The following DENND1B variants were observed in gnomAD, a reference collection of about 807,000 sequenced individuals.
The protein encoded by DENND1B is DENN domain containing 1B, also known as DENN domain-containing protein 1B.
DENND1B carries 59 observed loss-of-function variants against 90.1 expected under a neutral mutation model. That is an observed-to-expected ratio of 0.65 (90% CI 0.53 to 0.81). DENND1B has a LOEUF of 0.81. DENND1B is among the 40% of genes least tolerant of loss of function. The probability of loss-of-function intolerance (pLI) is 0.00; values close to 1 mark genes in which losing one functional copy is unlikely to be tolerated. For synonymous variants in DENND1B, 337 were observed against 324.6 expected, an observed-to-expected ratio of 1.04 and a Z score of -0.41; for missense variants, 862 against 912.6, an observed-to-expected ratio of 0.94 and a Z score of 0.71.
At chr1:197,714,994 C>T in intron 3 of DENND1B, 37 bp downstream of exon 3, 1 of 1,524,174 alleles carries the variant, frequency 6.6e-7, no homozygotes. Context: ...CATAATACTT[C>T]AACTTTAAAT....
At chr1:197,648,102 G>T (rs1680896701) in intron 7 of DENND1B, among the ~76,000 whole-genome samples, 2 of 152,198 alleles carry the variant, frequency 1.3e-5, no homozygotes, top group African/African-American at 4.8e-5. Context: ...CCTTTGACAA[G>T]ATTATTTCAG....
chr1:197,536,184 T>TGAGATGAGAG (rs1669889868), intron 20 of DENND1B, among the ~76,000 whole-genome samples: 1 of 139,972 alleles, frequency 7.1e-6, no homozygotes, highest in African/African-American at 2.6e-5. Flanking sequence ...TGAGATGAGA[T>TGAGATGAGAG]GAGATGACAT....
intron 3 of DENND1B, 89 bp downstream of exon 3, chr1:197,714,942 A>G (rs1660496486): frequency 1.1e-6 from 1 of 926,448 alleles, no homozygotes; most frequent in African/African-American, 1.7e-5. Context: ...CATGTTCACT[A>G]GTAGTTATAC....
At chr1:197,647,215 A>G (rs1433200606) in intron 7 of DENND1B, 101 bp from the exon 8 acceptor site, 2 of 645,120 alleles carry the variant, frequency 3.1e-6, no homozygotes, top group East Asian at 7.0e-5. Context: ...TAGCCAAGTT[A>G]GCCACTAAAA....
At chr1:197,562,998 A>G (rs1016452813) in intron 15 of DENND1B, among the ~76,000 whole-genome samples, 1 of 151,944 alleles carries the variant, frequency 6.6e-6, no homozygotes, top group Non-Finnish European at 1.5e-5. Flanking sequence ...ACTCTCTTCA[A>G]TTATATGAAG....
chr1:197,506,559 A>T lies in DENND1B; in HGVS notation c.*3901T>A, dbSNP rs1180914377. The stretch of plus-strand genomic sequence containing the variant: ...GAAAATAATCAGTCTTTTCCTGAAA[A>T]TCCACATTTTCTACAAGAGAATGAA... On this transcript the variant is annotated 3_prime_UTR_variant, in exon 23 of 23. Coordinates refer to ENST00000620048, the MANE Select transcript of DENND1B (RefSeq NM_001195215.2). 2 of 151,466 alleles carry T rather than the reference A, an allele frequency of 1.3e-5. No individual in the cohort carries two copies. The highest frequency in any genetic ancestry group is 3.0e-5 in the Non-Finnish European group (2 of 67,594). The allele number at this position is 151,466 out of a possible 1,614,324, so 9.4% of individuals were successfully genotyped here. A position where few individuals can be genotyped will look rare whatever the true frequency, so the allele number is the denominator to read the frequency against.
rs1170700024 is a variant in DENND1B, at chr1:197,510,572, G to C, written c.2216C>G (p.Thr739Ser). The C allele has an allele frequency of 6.2e-7, 1 of 1,612,710 alleles. No individual in the cohort carries two copies. Among genetic ancestry groups the C allele is most frequent in the African/African-American group, 1.3e-5 (1 of 74,902 alleles). The change falls in exon 23 of 23, where the codon ACT becomes AGT. Residue 739 changes from threonine to serine, a missense_variant. Transcript: ENST00000620048. ...WEKEGKEAKE[T>S]SEDIGLLHEV... ...ATGGAGCAGTCCAATATCTTCTGAA[G>C]TCTCTTTGGCTTCTTTCCCTTCTTT...
chr1:197,510,133 C>A lies in DENND1B; in HGVS notation c.*327G>T. On this transcript the variant is annotated 3_prime_UTR_variant, in exon 23 of 23. Transcript: ENST00000620048. ...ATGCTCAACCAGATTAGTATAGTAG[C>A]TACTGGTTATGTGCATGGGTTACAT... 1 of 252,608 alleles carries A rather than the reference C, an allele frequency of 4.0e-6. No individual in the cohort carries two copies. Among genetic ancestry groups the A allele is most frequent in the South Asian group, 6.7e-5 (1 of 14,996 alleles). 15.6% of individuals were successfully genotyped at this position (252,608 alleles called of 1,614,324 possible).
intron 3 of DENND1B, among the ~76,000 whole-genome samples, chr1:197,681,662 T>C (rs937276118): frequency 1.3e-5 from 2 of 152,182 alleles, no homozygotes; most frequent in Non-Finnish European, 2.9e-5. Flanking sequence ...TTTTCTATCA[T>C]TGCCTTGTAT....
intron 15 of DENND1B, among the ~76,000 whole-genome samples, chr1:197,579,486 T>C: frequency 6.6e-6 from 1 of 152,146 alleles, no homozygotes; most frequent in East Asian, 1.9e-4. Context: ...TGTATGAATA[T>C]ACACTGTGTG....
intron 2 of DENND1B, among the ~76,000 whole-genome samples, chr1:197,745,136 C>T (rs1663589298): frequency 6.6e-6 from 1 of 152,280 alleles, no homozygotes; most frequent in South Asian, 2.1e-4. Flanking sequence ...TTCTCCACCT[C>T]AGCAATAAGG....
intron 5 of DENND1B, among the ~76,000 whole-genome samples, chr1:197,667,679 G>T (rs182503587): frequency 7.9e-5 from 12 of 152,226 alleles, no homozygotes; most frequent in African/African-American, 2.9e-4. Flanking sequence ...GATTACAGGC[G>T]TGGGCCCCTG....
intron 10 of DENND1B, among the ~76,000 whole-genome samples, chr1:197,641,679 C>T (rs936633263): frequency 6.6e-6 from 1 of 151,498 alleles, no homozygotes; most frequent in African/African-American, 2.4e-5. Flanking sequence ...TGGAAATAAC[C>T]CAAAAATTAG....
chr1:197,676,923 ATTAT>A (rs1656140291), intron 3 of DENND1B, among the ~76,000 whole-genome samples: 1 of 152,214 alleles, frequency 6.6e-6, no homozygotes, highest in South Asian at 2.1e-4. Context: ...TGGTATATTA[ATTAT>A]TTATCCCATC....
At chr1:197,751,187 A>C (rs1031534885) in intron 2 of DENND1B, among the ~76,000 whole-genome samples, 6 of 152,244 alleles carry the variant, frequency 3.9e-5, no homozygotes, top group African/African-American at 1.4e-4. Flanking sequence ...CTCGTGGGCC[A>C]TAAAACAAAT....
intron 10 of DENND1B, among the ~76,000 whole-genome samples, chr1:197,628,358 C>A (rs545972310): frequency 6.6e-6 from 1 of 152,196 alleles, no homozygotes; most frequent in Admixed American, 6.5e-5. Flanking sequence ...ACAGAGCCCT[C>A]AGAAATAACG....
At chr1:197,720,366 T>C (rs1661047817) in intron 2 of DENND1B, among the ~76,000 whole-genome samples, 2 of 152,130 alleles carry the variant, frequency 1.3e-5, no homozygotes, top group South Asian at 4.1e-4. Flanking sequence ...GTCTCCCAAG[T>C]AGCTGGGACT....
At chr1:197,550,721 G>A (rs1671164850) in intron 16 of DENND1B, among the ~76,000 whole-genome samples, 1 of 151,482 alleles carries the variant, frequency 6.6e-6, no homozygotes, top group Non-Finnish European at 1.5e-5. Context: ...TAAGTGACGA[G>A]TTACTGGGTG....
chr1:197,581,728 G>A (rs895694799), intron 15 of DENND1B, among the ~76,000 whole-genome samples: 2 of 152,072 alleles, frequency 1.3e-5, no homozygotes, highest in African/African-American at 2.4e-5. Flanking sequence ...TAAGTGGTAA[G>A]GAACTAGTTA....
Sources: allele counts gnomAD v4.1 joint callset (sites outside exome capture counted in the v4.1 genomes callset), GRCh38; gene constraint gnomAD v4.1.1; transcripts MANE v1.5; gene names NCBI Gene and HGNC (gene_info 2026-07-23, HGNC 2026-07-21).